C9orf57: variants seen among roughly 807,000 people sequenced by gnomAD.
The protein encoded by C9orf57 is uncharacterized protein C9orf57.
Under a neutral mutation model 12.9 loss-of-function variants are expected in C9orf57, and 12 were observed. The observed-to-expected ratio is 0.93, with a 90% CI of 0.60 to 1.51. The LOEUF is 1.51. Among genes scored for constraint, C9orf57 ranks in the 40% most tolerant of loss-of-function variants. The probability of loss-of-function intolerance (pLI) is 0.00; values close to 1 mark genes in which losing one functional copy is unlikely to be tolerated. For missense variants in C9orf57, 141 were observed against 162.8 expected (o/e 0.87, Z 0.73); for synonymous variants, 49 against 57.1 (o/e 0.86, Z 0.64).
In C9orf57 at chr9:72,055,374, CTCCT is replaced by C. The variant is rs1161301685; in HGVS notation, c.280+696_280+699del. 7.6e-3 allele frequency among the ~76,000 whole-genome samples: 440 copies of C among 58,020 alleles called. 15 individuals are homozygous for C. Among genetic ancestry groups the C allele is most frequent in the East Asian group, 0.025 (39 of 1,552 alleles). The allele number at this position is 58,020 out of a possible 152,430, so 38.1% of individuals were successfully genotyped here. On this transcript the variant is annotated intron_variant, in intron 4 of 4. Transcript: ENST00000651200. ...ATTCTTTCCCTCCCTCCCTCCCTCC[CTCCT>C]TCCTTCCTTCCTTCCTTCCTTCCTT... is the stretch of plus-strand genomic sequence containing the variant.
At chr9:72,057,301 C>T (rs1824226117) in intron 2 of C9orf57, among the ~76,000 whole-genome samples, 1 of 152,136 alleles carries the variant, frequency 6.6e-6, no homozygotes, top group African/African-American at 2.4e-5. Flanking sequence ...TCTCGGCTCA[C>T]TGCAACCTCC....
In C9orf57 at chr9:72,059,357, TGAAAG is replaced by T. The variant is rs149346363; in HGVS notation, c.-31_-27del. Reference sequence around the variant, plus strand: ...TCTGATTTCCAAGCCGAAAAGGAGATGAAAGGAAAGACACGTCCCACTGATTTCTG... The same window carrying T: ...TCTGATTTCCAAGCCGAAAAGGAGATGAAAGACACGTCCCACTGATTTCTG... On this transcript the variant is annotated 5_prime_UTR_variant, in exon 2 of 5. Coordinates refer to ENST00000651200, the MANE Select transcript of C9orf57 (RefSeq NM_001128618.2). 3.4e-3 allele frequency: 5,228 copies of T among 1,551,620 alleles called. 140 individuals carry two copies. In the African/African-American group the frequency reaches 0.061, roughly 18 times the overall value.
chr9:72,056,835 T>C lies in C9orf57; in HGVS notation c.106A>G (p.Thr36Ala), dbSNP rs1824214279. ...ILFGRLGDLG[T>A]CQTKPGQYWK... ...TACTGACCAGGTTTTGTCTGGCAGGTTCCCAGGTCTAAAAGACATCCATGG... is the reference window on the plus strand; with the variant it reads ...TACTGACCAGGTTTTGTCTGGCAGGCTCCCAGGTCTAAAAGACATCCATGG... The change falls in exon 3 of 5, where the codon ACC becomes GCC. Residue 36 changes from threonine (T) to alanine (A), a missense_variant. Thr to Ala is a moderately conservative substitution (Grantham distance 58). Coordinates refer to ENST00000651200, the MANE Select transcript of C9orf57 (RefSeq NM_001128618.2). 6.4e-7 allele frequency: 1 copy of C among 1,550,940 alleles called. No individual in the cohort carries two copies. Among genetic ancestry groups the C allele is most frequent in the South Asian group, 1.2e-5 (1 of 84,056 alleles).
chr9:72,056,240 C>G (rs200856635), intron 3 of C9orf57, 44 bp from the exon 4 acceptor site: 100 of 1,490,926 alleles, frequency 6.7e-5, no homozygotes, highest in Non-Finnish European at 1.1e-5. Context: ...GTGATAGATA[C>G]GAGAGAGAAA....
intron 2 of C9orf57, among the ~76,000 whole-genome samples, chr9:72,058,931 G>A (rs1428811724): frequency 1.3e-5 from 2 of 151,912 alleles, no homozygotes; most frequent in African/African-American, 4.8e-5. Flanking sequence ...AGGCTGGAGT[G>A]CAATGGCATG....
intron 1 of C9orf57, 131 bp from the exon 2 acceptor site, chr9:72,059,515 G>T: frequency 8.7e-7 from 1 of 1,151,736 alleles, no homozygotes; most frequent in Non-Finnish European, 1.2e-6. Context: ...TAAGGTACCT[G>T]TCTTTATAAA....
intron 3 of C9orf57, among the ~76,000 whole-genome samples, chr9:72,056,542 A>G (rs566389702): frequency 1.5e-4 from 23 of 151,894 alleles, no homozygotes; most frequent in African/African-American, 4.6e-4. Flanking sequence ...TCACATTTGA[A>G]TCTTGTCTAT....
chr9:72,056,062 G>C lies in C9orf57; in HGVS notation c.280+12C>G. 1 of 1,543,352 alleles carries C rather than the reference G, an allele frequency of 6.5e-7. No homozygotes were observed. On this transcript the variant is annotated intron_variant, in intron 4 of 4. Transcript: ENST00000651200. ...TTATTTTAATTAAAATTTTTAAAGTGTCAAAACTTACCTTGAATGTGGACC... is the reference window on the plus strand; with the variant it reads ...TTATTTTAATTAAAATTTTTAAAGTCTCAAAACTTACCTTGAATGTGGACC...
chr9:72,055,849 C>T (rs572614140), intron 4 of C9orf57, among the ~76,000 whole-genome samples: 12 of 152,174 alleles, frequency 7.9e-5, no homozygotes, highest in African/African-American at 2.9e-4. Flanking sequence ...CTATAAGACT[C>T]ATTAGCTATG....
At chr9:72,058,222 G>A (rs1474576527) in intron 2 of C9orf57, among the ~76,000 whole-genome samples, 1 of 152,078 alleles carries the variant, frequency 6.6e-6, no homozygotes, top group African/African-American at 2.4e-5. Context: ...GTGCAGTGGT[G>A]CAATCTCATC....
At chr9:72,057,112 G>A (rs771858903) in intron 2 of C9orf57, among the ~76,000 whole-genome samples, 39 of 151,946 alleles carry the variant, frequency 2.6e-4, no homozygotes, top group African/African-American at 7.2e-4. Flanking sequence ...ATGGGGTTTC[G>A]CTATGTTGCC....
chr9:72,056,175 C>T lies in C9orf57; in HGVS notation c.179G>A (p.Arg60Lys). The T allele has an allele frequency of 6.5e-7, 1 of 1,549,842 alleles. No homozygotes were observed. The highest frequency in any genetic ancestry group is 8.7e-7 in the Non-Finnish European group (1 of 1,145,966). ...GAAGGGCAGTGAAAGATTGCATGCT[C>T]TGCAAATCAAACCTCCAACATCTCC... ...HIQDVGGLICRACNLSLPFHG... is the reference protein window; with the variant it reads ...HIQDVGGLICKACNLSLPFHG... Residue 60 changes from arginine (R) to lysine (K), a missense_variant, in exon 4 of 5, where the codon AGA becomes AAA. Coordinates refer to ENST00000651200, the MANE Select transcript of C9orf57 (RefSeq NM_001128618.2).
In C9orf57 at chr9:72,060,490, G is replaced by T. The variant is rs780408164; in HGVS notation, c.-54+7C>A. Reference sequence around the variant, plus strand: ...AAAGTATAATATTTCAGTTGTTCATGACCTACCTATCTTTTTCATTAAGGT... The same window carrying T: ...AAAGTATAATATTTCAGTTGTTCATTACCTACCTATCTTTTTCATTAAGGT... On this transcript the variant is annotated splice_region_variant and intron_variant, in intron 1 of 4. Transcript: ENST00000651200. 3 of 1,335,144 alleles carry T rather than the reference G, an allele frequency of 2.2e-6. No individual in the cohort carries two copies. The highest frequency in any genetic ancestry group is 2.5e-5 in the South Asian group (2 of 79,542). 82.7% of individuals were successfully genotyped at this position (1,335,144 alleles called of 1,614,324 possible). A position where few individuals can be genotyped will look rare whatever the true frequency, so the allele number is the denominator to read the frequency against.
In C9orf57 at chr9:72,060,609, ACT is replaced by A. The variant is rs1206920732; in HGVS notation, c.-168_-167del. 2 of 1,465,072 alleles carry A rather than the reference ACT, an allele frequency of 1.4e-6. No individual in the cohort carries two copies. The highest frequency in any genetic ancestry group is 1.8e-6 in the Non-Finnish European group (2 of 1,082,168). The allele number at this position is 1,465,072 out of a possible 1,614,324, so 90.8% of individuals were successfully genotyped here. A position where few individuals can be genotyped will look rare whatever the true frequency, so the allele number is the denominator to read the frequency against. ...GAAGTCCGTTACAACTGAAAGCGAC[ACT>A]CTGATCCACTAGATTCCAAACAGTT... On this transcript the variant is annotated 5_prime_UTR_variant, in exon 1 of 5. Coordinates refer to ENST00000651200, the MANE Select transcript of C9orf57 (RefSeq NM_001128618.2).
intron 4 of C9orf57, among the ~76,000 whole-genome samples, chr9:72,055,278 TCCTTCCTG>T (rs944158345): frequency 5.3e-5 from 8 of 151,764 alleles, no homozygotes; most frequent in South Asian, 2.1e-4. Context: ...TTTCCTGCCT[TCCTTCCTG>T]CCTTCCTGCC....
chr9:72,058,982 A>C (rs1274465686), intron 2 of C9orf57, among the ~76,000 whole-genome samples: 1 of 152,032 alleles, frequency 6.6e-6, no homozygotes, highest in South Asian at 2.1e-4. Flanking sequence ...GGTTCAAGCA[A>C]TTCTCCTGCC....
chr9:72,059,317 A>G lies in C9orf57; in HGVS notation c.15T>C (p.Val5=). 6.4e-7 allele frequency: 1 copy of G among 1,551,806 alleles called. No homozygotes were observed. Among genetic ancestry groups the G allele is most frequent in the Non-Finnish European group, 8.7e-7 (1 of 1,147,006 alleles). ...GGCGGAATAAGATAACACCAGCAAA[A>G]ACAATCCTTCTCATTCTGATTTCCA... MRRI[V]FAGVILFRLL... The change falls in exon 2 of 5, where the codon GTT becomes GTC. Residue 5 remains valine (V), a synonymous_variant. Transcript: ENST00000651200.
chr9:72,056,253 G>A (rs1824198798), intron 3 of C9orf57, 57 bp from the exon 4 acceptor site: 4 of 1,399,724 alleles, frequency 2.9e-6, no homozygotes, highest in East Asian at 2.6e-5. Context: ...GAGAGAAAAC[G>A]AGGAAGGAAG....
chr9:72,056,880 A>G (rs749102069), intron 2 of C9orf57, 37 bp from the exon 3 acceptor site: 18 of 1,505,712 alleles, frequency 1.2e-5, no homozygotes, highest in Admixed American at 2.0e-5. Flanking sequence ...GAAAGATTGC[A>G]TGCTCTGCAA....
Sources: allele counts gnomAD v4.1 joint callset (sites outside exome capture counted in the v4.1 genomes callset), GRCh38; gene constraint gnomAD v4.1.1; transcripts MANE v1.5; gene names NCBI Gene and HGNC (gene_info 2026-07-23, HGNC 2026-07-21).